Variants in BCAS2 observed in about 807,000 individuals in gnomAD.
BCAS2 encodes BCAS2 pre-mRNA processing factor.
Under a neutral mutation model 35.3 loss-of-function variants are expected in BCAS2, and 34 were observed. The observed-to-expected ratio is 0.96, with a 90% CI of 0.73 to 1.28. The LOEUF (loss-of-function observed/expected upper bound fraction) is 1.28. Among genes scored for constraint, BCAS2 ranks in the 50% most tolerant of loss-of-function variants. BCAS2 has a pLI of 0.00. For missense variants in BCAS2, 221 were observed against 268.1 expected, an observed-to-expected ratio of 0.82 and a Z score of 1.23; for synonymous variants, 75 against 91.6, an observed-to-expected ratio of 0.82 and a Z score of 1.03.
At chr1:114,578,630 C>T (rs1018515459) in intron 2 of BCAS2, among the ~76,000 whole-genome samples, 1 of 152,162 alleles carries the variant, frequency 6.6e-6, no homozygotes, top group Non-Finnish European at 1.5e-5. Context: ...CCTGGAGTCG[C>T]CCAGTCACTT....
intron 2 of BCAS2, among the ~76,000 whole-genome samples, chr1:114,578,100 G>A (rs1313117118): frequency 6.6e-6 from 1 of 152,156 alleles, no homozygotes; most frequent in Non-Finnish European, 1.5e-5. Context: ...TGAGGCAGGA[G>A]AATTGCTTGA....
intron 4 of BCAS2, among the ~76,000 whole-genome samples, chr1:114,574,695 C>G (rs558313171): frequency 6.6e-6 from 1 of 152,150 alleles, no homozygotes; most frequent in African/African-American, 2.4e-5. Context: ...AGTTTTGTTA[C>G]AATATTATAC....
Position 114,570,868 on chromosome 1 carries a change from G to A in BCAS2, c.420-118C>T, listed in dbSNP as rs182678106. ...TATGGAGCTCTGTGCCAAGAACTAT[G>A]TTGGACACTCCATAATCGAGGACTG... On this transcript the variant is annotated intron_variant, in intron 4 of 6. Coordinates refer to ENST00000369541, the MANE Select transcript of BCAS2 (RefSeq NM_005872.3). 4.8e-5 allele frequency: 35 copies of A among 725,288 alleles called. No individual in the cohort carries two copies. The East Asian group carries it at 9.0e-4, about 19-fold the overall frequency. The allele number at this position is 725,288 out of a possible 1,614,324, so 44.9% of individuals were successfully genotyped here.
intron 2 of BCAS2, among the ~76,000 whole-genome samples, chr1:114,578,855 C>G (rs2101630947): frequency 6.6e-6 from 1 of 152,288 alleles, no homozygotes; most frequent in South Asian, 2.1e-4. Context: ...AGGTCTTAGT[C>G]AATTAGCCTC....
intron 4 of BCAS2, among the ~76,000 whole-genome samples, chr1:114,574,071 T>C (rs575708839): frequency 6.6e-6 from 1 of 152,208 alleles, no homozygotes; most frequent in Non-Finnish European, 1.5e-5. Context: ...CACGGAATTT[T>C]GCAAGCAAGG....
chr1:114,575,344 T>C (rs1194555976), intron 4 of BCAS2, among the ~76,000 whole-genome samples: 1 of 146,662 alleles, frequency 6.8e-6, no homozygotes, highest in Non-Finnish European at 1.5e-5. Flanking sequence ...CACGTTACCA[T>C]GCCCAGCTAA....
chr1:114,571,466 C>G lies in BCAS2; in HGVS notation c.420-716G>C, dbSNP rs1209378805. On this transcript the variant is annotated intron_variant, in intron 4 of 6. Transcript: ENST00000369541. ...AACCTCCTGGGCTCAACTGATCCTC[C>G]CACTTCAGGCCTTCAAAGTAGCTTG... Among the ~76,000 whole-genome samples, 7 of 152,058 alleles carry G rather than the reference C, an allele frequency of 4.6e-5. No individual in the cohort carries two copies. In the East Asian group the frequency reaches 1.4e-3, roughly 29 times the overall value.
intron 4 of BCAS2, among the ~76,000 whole-genome samples, chr1:114,571,783 TCTC>T (rs1412078149): frequency 2.6e-5 from 4 of 152,168 alleles, no homozygotes; most frequent in African/African-American, 9.7e-5. Context: ...CTTGTCATTC[TCTC>T]CTCCTGTCTA....
At chr1:114,568,619 G>A (rs577072360) in intron 6 of BCAS2, among the ~76,000 whole-genome samples, 171 of 151,450 alleles carry the variant, frequency 1.1e-3, no homozygotes, top group Admixed American at 2.1e-3. Flanking sequence ...CACCCACCTC[G>A]GTCTCCTAAT....
intron 4 of BCAS2, among the ~76,000 whole-genome samples, chr1:114,574,110 C>T (rs1654705282): frequency 6.6e-6 from 1 of 152,168 alleles, no homozygotes; most frequent in African/African-American, 2.4e-5. Context: ...ACAATAAATA[C>T]TAAAGCTAGA....
Position 114,581,576 on chromosome 1 carries a change from A to G in BCAS2, c.16T>C (p.Leu6=), listed in dbSNP as rs1654892439. The G allele has an allele frequency of 1.2e-6, 2 of 1,610,292 alleles. No homozygotes were observed. The highest frequency in any genetic ancestry group is 3.4e-5 in the Admixed American group (2 of 59,616). Residue 6 remains leucine, a synonymous_variant, in exon 1 of 7, where the codon TTG becomes CTG. Transcript: ENST00000369541. MAGTG[L]VAGEVVVDAL... is the part of the protein sequence containing the mutation. The stretch of plus-strand genomic sequence containing the variant: ...TCCACCACAACCTCTCCAGCCACCA[A>G]ACCTGTGCCCGCCATTCTGAGGACC...
At chr1:114,580,888 A>AC (rs111244401) in intron 2 of BCAS2, among the ~76,000 whole-genome samples, 4,240 of 152,288 alleles carry the variant, frequency 0.028, 204 homozygotes, top group African/African-American at 0.096. Context: ...CAGTCGTATC[A>AC]CATACATTTG....
chr1:114,581,573 C>CCAAA lies in BCAS2; in HGVS notation c.15_18dup (p.Val7PhefsTer15). ...GCATCCACCACAACCTCTCCAGCCA[C>CCAAA]CAAACCTGTGCCCGCCATTCTGAGG... On this transcript the variant is annotated frameshift_variant, in exon 1 of 7. Coordinates refer to ENST00000369541, the MANE Select transcript of BCAS2 (RefSeq NM_005872.3). LOFTEE classifies it high-confidence loss of function. The CCAAA allele has an allele frequency of 6.2e-7, 1 of 1,611,434 alleles. No individual in the cohort carries two copies. Among genetic ancestry groups the CCAAA allele is most frequent in the Non-Finnish European group, 8.5e-7 (1 of 1,179,274 alleles).
chr1:114,578,558 G>A (rs1257759579), intron 2 of BCAS2, among the ~76,000 whole-genome samples: 2 of 152,156 alleles, frequency 1.3e-5, no homozygotes, highest in African/African-American at 4.8e-5. Context: ...GAGCGGCAAG[G>A]GCAATCCCTG....
intron 2 of BCAS2, among the ~76,000 whole-genome samples, chr1:114,580,177 G>A (rs1247307465): frequency 1.3e-5 from 2 of 152,030 alleles, no homozygotes; most frequent in Non-Finnish European, 2.9e-5. Flanking sequence ...TCACACCTCA[G>A]CCTCCTAAAG....
chr1:114,580,805 C>T (rs1654870581), intron 2 of BCAS2, among the ~76,000 whole-genome samples: 1 of 151,992 alleles, frequency 6.6e-6, no homozygotes, highest in Non-Finnish European at 1.5e-5. Context: ...TTAATAAAAA[C>T]ATCGGATAGA....
At chr1:114,580,726 G>C (rs992040139) in intron 2 of BCAS2, among the ~76,000 whole-genome samples, 2 of 152,092 alleles carry the variant, frequency 1.3e-5, no homozygotes, top group Non-Finnish European at 2.9e-5. Flanking sequence ...TCAGAATCTA[G>C]AATGGCACCT....
rs758515230 is a variant in BCAS2, at chr1:114,576,672, A to T, written c.257+16T>A. 4.4e-6 allele frequency: 7 copies of T among 1,591,000 alleles called. No individual in the cohort carries two copies. Among genetic ancestry groups the T allele is most frequent in the Non-Finnish European group, 1.7e-6 (2 of 1,162,722 alleles). ...TACTACAAACTAAATTTTAATTTCCATTTTAATATTCTTACCGTTTCATAC... is the reference window on the plus strand; with the variant it reads ...TACTACAAACTAAATTTTAATTTCCTTTTTAATATTCTTACCGTTTCATAC... On this transcript the variant is annotated intron_variant, in intron 3 of 6. Coordinates refer to ENST00000369541, the MANE Select transcript of BCAS2 (RefSeq NM_005872.3).
chr1:114,572,756 G>A (rs181321540), intron 4 of BCAS2, among the ~76,000 whole-genome samples: 19 of 152,246 alleles, frequency 1.2e-4, no homozygotes, highest in Admixed American at 3.3e-4. Context: ...CCAGAGAAAG[G>A]ACTAGTTTGG....
Sources: gnomAD v4.1 joint callset for allele counts (sites outside exome capture counted in the v4.1 genomes callset) on GRCh38, gnomAD v4.1.1 for gene constraint, MANE v1.5 for transcripts, NCBI Gene and HGNC (gene_info 2026-07-23, HGNC 2026-07-21) for gene names.